Variants in HIVEP3 observed in about 807,000 individuals in gnomAD.
HIVEP3 encodes transcription factor HIVEP3.
A neutral mutation model predicts 152.8 loss-of-function variants in HIVEP3; 49 were observed. The observed-to-expected ratio is 0.32, with a 90% CI of 0.26 to 0.41. The LOEUF is 0.41. Among genes scored for constraint, HIVEP3 ranks in the 10% least tolerant of loss-of-function variants. The pLI, the probability that HIVEP3 is intolerant of heterozygous loss-of-function variation, is 1.00. For synonymous variants in HIVEP3, 1,269 were observed against 1,289.0 expected, an observed-to-expected ratio of 0.98 and a Z score of 0.33; for missense variants, 2,790 against 3,103.3, an observed-to-expected ratio of 0.90 and a Z score of 2.40.
chr1:41,958,441 T>C, intron 1 of HIVEP3, among the ~76,000 whole-genome samples: 1 of 152,170 alleles, frequency 6.6e-6, no homozygotes, highest in East Asian at 1.9e-4. Flanking sequence ...GAGCTGTAAA[T>C]CTTGAACTAA....
chr1:42,034,426 T>C (rs1012054935), intron 1 of HIVEP3, among the ~76,000 whole-genome samples: 2 of 152,202 alleles, frequency 1.3e-5, no homozygotes, highest in African/African-American at 4.8e-5. Flanking sequence ...GGCAGGCTAA[T>C]AGAAAGATTA....
intron 1 of HIVEP3, among the ~76,000 whole-genome samples, chr1:41,927,942 T>A (rs1162127441): frequency 6.7e-6 from 1 of 149,900 alleles, no homozygotes; most frequent in Non-Finnish European, 1.5e-5. Context: ...GTGCCTATAA[T>A]CCCAGCTACT....
intron 1 of HIVEP3, among the ~76,000 whole-genome samples, chr1:41,765,064 A>G (rs979548945): frequency 1.3e-5 from 2 of 152,210 alleles, no homozygotes; most frequent in African/African-American, 4.8e-5. Context: ...ATGAATTTGG[A>G]TCTTGCAATC....
chr1:42,026,306 T>C (rs1319066565), intron 1 of HIVEP3, among the ~76,000 whole-genome samples: 1 of 152,162 alleles, frequency 6.6e-6, no homozygotes, highest in East Asian at 1.9e-4. Flanking sequence ...AAAAACCTCC[T>C]TGTCCTGCAA....
intron 1 of HIVEP3, among the ~76,000 whole-genome samples, chr1:41,727,067 G>A (rs2124179388): frequency 6.6e-6 from 1 of 152,356 alleles, no homozygotes; most frequent in South Asian, 2.1e-4. Flanking sequence ...TGGGCGCCCA[G>A]TGTTGGGGGA....
chr1:41,990,706 C>T lies in HIVEP3; in HGVS notation n.119+45101G>A, dbSNP rs1435934455. 9.3e-5 allele frequency among the ~76,000 whole-genome samples: 14 copies of T among 151,100 alleles called. 2 individuals are homozygous for T. Among genetic ancestry groups the T allele is most frequent in the Admixed American group, 7.9e-4 (12 of 15,184 alleles). ...AAATCAACAGAATATATATTTTTTT[C>T]AGCACCACACCACACCTATTCCAAA... On this transcript the variant is annotated intron_variant and non_coding_transcript_variant, in intron 1 of 3. Transcript: ENST00000489103.
At chr1:41,655,069 T>A (rs1027828657) in intron 2 of HIVEP3, among the ~76,000 whole-genome samples, 3 of 152,150 alleles carry the variant, frequency 2.0e-5, no homozygotes, top group African/African-American at 2.4e-5. Context: ...ACGATTATCA[T>A]TAAGCATATT....
chr1:41,770,162 A>G (rs1209038886), intron 1 of HIVEP3, among the ~76,000 whole-genome samples: 1 of 151,676 alleles, frequency 6.6e-6, no homozygotes, highest in African/African-American at 2.4e-5. Context: ...TTTAGTAGAG[A>G]TGGGGTTTCA....
intron 5 of HIVEP3, among the ~76,000 whole-genome samples, chr1:41,554,438 C>T (rs1420256464): frequency 6.6e-6 from 1 of 152,194 alleles, no homozygotes; most frequent in Non-Finnish European, 1.5e-5. Context: ...CGAACATTCT[C>T]CTTTAGCTCA....
intron 1 of HIVEP3, among the ~76,000 whole-genome samples, chr1:41,937,573 C>T (rs2124483435): frequency 6.6e-6 from 1 of 152,270 alleles, no homozygotes; most frequent in South Asian, 2.1e-4. Flanking sequence ...ATCTCAAAGA[C>T]TCAGAAGGAA....
rs376692306 is a variant in HIVEP3, at chr1:41,581,404, G to C, written c.3394C>G (p.Pro1132Ala). The stretch of plus-strand genomic sequence containing the variant: ...GGCAGGTATGGCTTCTCATGCAGGG[G>C]TGTCTGGGCAACGGGGTGGTGGAAC... ...QVFHHPVAQT[P>A]LHEKPYLPPP... The change falls in exon 4 of 9, where the codon CCC becomes GCC. Residue 1132 changes from proline (P) to alanine (A), a missense_variant. By Grantham distance (27) the Pro-to-Ala change is conservative. Coordinates refer to ENST00000372583, the MANE Select transcript of HIVEP3 (RefSeq NM_024503.5). The surrounding 1 kb of genome is among the most constrained non-coding windows in gnomAD (Gnocchi z 4.5). 1 of 1,606,236 alleles carries C rather than the reference G, an allele frequency of 6.2e-7. No homozygotes were observed. The highest frequency in any genetic ancestry group is 1.7e-5 in the Admixed American group (1 of 59,208).
At chr1:41,616,846 G>A (rs1329900196) in intron 3 of HIVEP3, among the ~76,000 whole-genome samples, 1 of 152,168 alleles carries the variant, frequency 6.6e-6, no homozygotes, top group African/African-American at 2.4e-5. Context: ...CAGGCCAATA[G>A]GTTGTGAGCA....
chr1:41,560,076 C>T (rs1187756186), intron 5 of HIVEP3, among the ~76,000 whole-genome samples: 1 of 152,190 alleles, frequency 6.6e-6, no homozygotes, highest in African/African-American at 2.4e-5. Flanking sequence ...GGGGGTGGCA[C>T]TATCCGGAAT....
chr1:41,915,808 C>T (rs150897411), intron 1 of HIVEP3, among the ~76,000 whole-genome samples: 3,600 of 152,300 alleles, frequency 0.024, 70 homozygotes, highest in Non-Finnish European at 0.026. Flanking sequence ...AAATTGGTCA[C>T]GGGCTTTGGC....
intron 1 of HIVEP3, among the ~76,000 whole-genome samples, chr1:42,017,200 AG>A: frequency 6.6e-6 from 1 of 152,294 alleles, no homozygotes; most frequent in Middle Eastern, 3.4e-3. Flanking sequence ...ATAAAAAAAA[AG>A]TTCATCCATG....
At chr1:41,602,694 T>A (rs1394379046) in intron 3 of HIVEP3, among the ~76,000 whole-genome samples, 1 of 152,106 alleles carries the variant, frequency 6.6e-6, no homozygotes, top group Admixed American at 6.5e-5. Context: ...CTTAGTTTCA[T>A]TGATTTTTTT....
At chr1:41,545,801 C>A (rs1643789807) in intron 5 of HIVEP3, among the ~76,000 whole-genome samples, 1 of 150,016 alleles carries the variant, frequency 6.7e-6, no homozygotes, top group Admixed American at 6.6e-5. Context: ...CCATCACCAC[C>A]ATCACCACCA....
intron 5 of HIVEP3, among the ~76,000 whole-genome samples, chr1:41,564,255 G>C (rs986761704): frequency 2.6e-5 from 4 of 152,128 alleles, no homozygotes; most frequent in Non-Finnish European, 5.9e-5. Context: ...AAAATGGAGG[G>C]ACGTACTCAG....
intron 6 of HIVEP3, among the ~76,000 whole-genome samples, chr1:41,522,098 C>T (rs993736267): frequency 6.6e-6 from 1 of 152,210 alleles, no homozygotes; most frequent in Non-Finnish European, 1.5e-5. Context: ...CTGGTGTAGC[C>T]GGGTGGTAGG....
Sources: gnomAD v4.1 joint callset for allele counts (sites outside exome capture counted in the v4.1 genomes callset) on GRCh38, gnomAD v4.1.1 for gene constraint, Gnocchi (gnomAD v3.1) non-coding constraint, MANE v1.5 for transcripts, NCBI Gene and HGNC (gene_info 2026-07-23, HGNC 2026-07-21) for gene names.